The following SP100 variants were observed in gnomAD, a reference collection of about 807,000 sequenced individuals.
SP100 encodes the protein SP100 nuclear body protein.
In SP100, 84 loss-of-function variants were observed where a neutral mutation model predicts 130.0. The observed-to-expected ratio is 0.65, with a 90% CI of 0.54 to 0.77. SP100 has a LOEUF of 0.77. Among genes scored for constraint, SP100 ranks in the 30% least tolerant of loss-of-function variants. SP100 has a pLI of 0.00. For synonymous variants in SP100, 331 were observed against 351.7 expected (o/e 0.94, Z 0.66); for missense variants, 978 against 1,052.2 (o/e 0.93, Z 0.97).
At chr2:230,475,743 T>C (rs758554808) in intron 17 of SP100, among the ~76,000 whole-genome samples, 4 of 152,076 alleles carry the variant, frequency 2.6e-5, no homozygotes, top group Non-Finnish European at 5.9e-5. Context: ...CCAGTTTCGT[T>C]TTTCTTCGTA....
intron 24 of SP100, among the ~76,000 whole-genome samples, chr2:230,533,980 G>C (rs1364501557): frequency 6.6e-6 from 1 of 152,114 alleles, no homozygotes; most frequent in East Asian, 1.9e-4. Context: ...TTTCATATGA[G>C]AGCTAATGAA....
chr2:230,529,320 C>G (rs1691587875), intron 24 of SP100, among the ~76,000 whole-genome samples: 1 of 152,138 alleles, frequency 6.6e-6, no homozygotes, highest in African/African-American at 2.4e-5. Flanking sequence ...GAACCAATGA[C>G]AAAAACCACA....
In SP100 at chr2:230,462,527, G is replaced by T; in HGVS notation, c.1057+9G>T. The T allele has an allele frequency of 6.2e-7, 1 of 1,606,022 alleles. No homozygotes were observed. The highest frequency in any genetic ancestry group is 8.5e-7 in the Non-Finnish European group (1 of 1,172,822). On this transcript the variant is annotated intron_variant, in intron 10 of 28. Coordinates refer to ENST00000340126, the MANE Select transcript of SP100 (RefSeq NM_001080391.2). ...ACCGAGAAGTGAGCCTGGTAAGGAA[G>T]TTTGGGAGAGCAAGGCTTGGGCTGT...
chr2:230,474,261 G>T (rs199606083), intron 16 of SP100, 133 bp from the exon 17 acceptor site: 1 of 597,904 alleles, frequency 1.7e-6, no homozygotes, highest in Non-Finnish European at 3.0e-6. Context: ...TGTTTCCTTT[G>T]GAAGGAAGAC....
intron 2 of SP100, among the ~76,000 whole-genome samples, chr2:230,421,813 G>A (rs1446756515): frequency 6.6e-6 from 1 of 152,038 alleles, no homozygotes; most frequent in African/African-American, 2.4e-5. Context: ...TCTCATGATG[G>A]TTTGCCTTGA....
Position 230,436,927 on chromosome 2 carries a change from A to T in SP100, c.108-6010A>T, listed in dbSNP as rs796373526. Reference sequence around the variant, plus strand: ...ACACGCATATATGTGTATACACACAAGTGTATACACACACGCATATATGTG... The same window carrying T: ...ACACGCATATATGTGTATACACACATGTGTATACACACACGCATATATGTG... On this transcript the variant is annotated intron_variant, in intron 2 of 28. Transcript: ENST00000340126. Among the ~76,000 whole-genome samples, 165 of 79,880 alleles carry T rather than the reference A, an allele frequency of 2.1e-3. 2 individuals carry two copies. Among genetic ancestry groups the T allele is most frequent in the African/African-American group, 9.6e-3 (158 of 16,392 alleles). The allele number at this position is 79,880 out of a possible 152,430, so 52.4% of individuals were successfully genotyped here. A position where few individuals can be genotyped will look rare whatever the true frequency, so the allele number is the denominator to read the frequency against.
At chr2:230,434,383 C>CA (rs2063185520) in intron 2 of SP100, among the ~76,000 whole-genome samples, 1 of 152,008 alleles carries the variant, frequency 6.6e-6, no homozygotes, top group South Asian at 2.1e-4. Flanking sequence ...AATGCTTCAA[C>CA]AAAAATTTTG....
rs1049175276 is a variant in SP100, at chr2:230,545,270, A to G, written c.*2324A>G. 6.6e-6 allele frequency among the ~76,000 whole-genome samples: 1 copy of G among 152,228 alleles called. No individual in the cohort carries two copies. The highest frequency in any genetic ancestry group is 1.5e-5 in the Non-Finnish European group (1 of 68,032). ...TGCAGCCATAAGAAACAATGAGATC[A>G]TGTCTCAGGAACATGGATAGAGCTG... On this transcript the variant is annotated 3_prime_UTR_variant, in exon 29 of 29. Transcript: ENST00000340126.
At chr2:230,421,504 C>CAT (rs55963279) in intron 2 of SP100, among the ~76,000 whole-genome samples, 57,154 of 146,044 alleles carry the variant, frequency 0.39, 11,445 homozygotes, top group African/African-American at 0.45. Flanking sequence ...AGAAGATATA[C>CAT]ATATATATAT....
intron 23 of SP100, chr2:230,510,697 A>G (rs932055493): frequency 1.0e-5 from 2 of 196,492 alleles, no homozygotes; most frequent in Admixed American, 5.8e-5. Flanking sequence ...GGGTTTCACC[A>G]CGTTAGCCAG....
At position 230,416,411 on chromosome 2, in the gene SP100, G is replaced by C. The variant is rs902656199; in HGVS notation, c.32+83G>C. 5.0e-6 allele frequency: 6 copies of C among 1,204,036 alleles called. No homozygotes were observed. The African/African-American group carries it at 9.0e-5, about 18-fold the overall frequency. The allele number at this position is 1,204,036 out of a possible 1,614,324, so 74.6% of individuals were successfully genotyped here. ...GCCTTTAGTTCAGTTTGTGCCTAAGGCTTCACTTTAATCCTTCTTTGCAAG... is the reference window on the plus strand; with the variant it reads ...GCCTTTAGTTCAGTTTGTGCCTAAGCCTTCACTTTAATCCTTCTTTGCAAG... On this transcript the variant is annotated intron_variant, in intron 1 of 28. Coordinates refer to ENST00000340126, the MANE Select transcript of SP100 (RefSeq NM_001080391.2).
chr2:230,501,955 G>A (rs991351823), intron 19 of SP100, among the ~76,000 whole-genome samples: 7 of 151,804 alleles, frequency 4.6e-5, no homozygotes, highest in South Asian at 2.1e-4. Context: ...TGCAATCTCC[G>A]CCTCCCGGAT....
At chr2:230,528,759 C>A (rs1691555116) in intron 24 of SP100, among the ~76,000 whole-genome samples, 1 of 152,102 alleles carries the variant, frequency 6.6e-6, no homozygotes, top group South Asian at 2.1e-4. Context: ...ACCACAGATC[C>A]CACAGAAATA....
At chr2:230,537,309 G>C (rs533710425) in intron 24 of SP100, among the ~76,000 whole-genome samples, 1 of 152,194 alleles carries the variant, frequency 6.6e-6, no homozygotes, top group South Asian at 2.1e-4. Flanking sequence ...AATTGAGAGG[G>C]GATAGAAAAG....
rs2063530884 is a variant in SP100 at position 230,442,982 on chromosome 2, C to T, written c.153C>T (p.Asp51=). The T allele has an allele frequency of 3.1e-6, 5 of 1,613,894 alleles. No homozygotes were observed. Among genetic ancestry groups the T allele is most frequent in the Non-Finnish European group, 3.4e-6 (4 of 1,179,832 alleles). The change falls in exon 3 of 29, where the codon GAC becomes GAT. Residue 51 remains aspartate (D), a synonymous_variant. Coordinates refer to ENST00000340126, the MANE Select transcript of SP100 (RefSeq NM_001080391.2). The part of the protein sequence containing the change: ...DQGVDDRLLY[D]IVFKHFKRNK... ...GTGTAGATGACAGGCTGCTCTATGA[C>T]ATTGTATTCAAGCACTTCAAAAGAA...
chr2:230,542,864 A>T lies in SP100; in HGVS notation c.2576A>T (p.Gln859Leu), dbSNP rs1200038190. ...GATAAATTCACCAGACTGGGAATTC[A>T]AGTACAGGACATCTTTGAGAAGAAT... ...REDKFTRLGIQVQDIFEKNFR... is the reference protein window; with the variant it reads ...REDKFTRLGILVQDIFEKNFR... Residue 859 changes from glutamine to leucine, a missense_variant, in exon 29 of 29, where the codon CAA becomes CTA. Physicochemically the swap from Gln to Leu is moderately radical, Grantham distance 113 (BLOSUM62 -2). Coordinates refer to ENST00000340126, the MANE Select transcript of SP100 (RefSeq NM_001080391.2). 6 of 1,611,366 alleles carry T rather than the reference A, an allele frequency of 3.7e-6. No homozygotes were observed. In the East Asian group the frequency reaches 8.9e-5, roughly 24 times the overall value.
At chr2:230,418,284 T>C (rs185438263) in intron 2 of SP100, among the ~76,000 whole-genome samples, 110 of 152,342 alleles carry the variant, frequency 7.2e-4, no homozygotes, top group African/African-American at 2.3e-3. Context: ...TTTCTTGTCA[T>C]TTCTAATTTT....
chr2:230,448,689 G>A (rs1380944987), intron 5 of SP100, among the ~76,000 whole-genome samples: 1 of 152,216 alleles, frequency 6.6e-6, no homozygotes, highest in African/African-American at 2.4e-5. Flanking sequence ...AGCATGAACA[G>A]ATGTGGAGAG....
chr2:230,481,745 G>T (rs984528652), intron 17 of SP100, among the ~76,000 whole-genome samples: 12 of 152,176 alleles, frequency 7.9e-5, no homozygotes, highest in Non-Finnish European at 1.5e-4. Flanking sequence ...TACAAAGGCT[G>T]CCCCTGATCA....
Sources: gnomAD v4.1 joint callset for allele counts (sites outside exome capture counted in the v4.1 genomes callset) on GRCh38, gnomAD v4.1.1 for gene constraint, MANE v1.5 for transcripts, NCBI Gene and HGNC (gene_info 2026-07-23, HGNC 2026-07-21) for gene names.